Variants in CAMTA1 observed in about 807,000 individuals in gnomAD.
The protein encoded by CAMTA1 is calmodulin binding transcription activator 1, also known as calmodulin-binding transcription activator 1.
Under a neutral mutation model 170.9 loss-of-function variants are expected in CAMTA1, and 27 were observed. The observed-to-expected ratio is 0.16, with a 90% CI of 0.12 to 0.22. CAMTA1 has a LOEUF of 0.22. Ranked by LOEUF, CAMTA1 falls within the 10% of genes least tolerant of loss-of-function variation. CAMTA1 has a pLI of 1.00. For missense variants in CAMTA1, 1,619 were observed against 2,217.2 expected (o/e 0.73, Z 5.42); for synonymous variants, 833 against 891.5 (o/e 0.93, Z 1.17).
At chr1:7,733,237 G>A (rs2096747644) in intron 12 of CAMTA1, among the ~76,000 whole-genome samples, 1 of 152,022 alleles carries the variant, frequency 6.6e-6, no homozygotes, top group South Asian at 2.1e-4. Flanking sequence ...GCCAGATGGT[G>A]ACTTAGACCT....
At chr1:6,937,048 C>T (rs986823492) in intron 3 of CAMTA1, among the ~76,000 whole-genome samples, 2 of 151,942 alleles carry the variant, frequency 1.3e-5, no homozygotes, top group East Asian at 1.9e-4. Context: ...TCATCACCAC[C>T]GTCACCATTA....
At chr1:6,980,100 C>A (rs748467547) in intron 3 of CAMTA1, among the ~76,000 whole-genome samples, 1 of 152,174 alleles carries the variant, frequency 6.6e-6, no homozygotes, top group South Asian at 2.1e-4. Flanking sequence ...CCTTGGAGGG[C>A]GTGCCTCTTA....
In CAMTA1 at chr1:7,715,091, T is replaced by G. The variant is rs17031510; in HGVS notation, c.2915-17357T>G. Among the ~76,000 whole-genome samples the G allele has an allele frequency of 8.8e-3, 1,345 of 152,296 alleles. 14 individuals carry two copies. The highest frequency in any genetic ancestry group is 0.029 in the African/African-American group (1,218 of 41,536). On this transcript the variant is annotated intron_variant, in intron 11 of 22. Coordinates refer to ENST00000303635, the MANE Select transcript of CAMTA1 (RefSeq NM_015215.4). ...GTCCTGATTTTGCCTGATCTGCTAT[T>G]AATCACAAGTATTTTTGTTAGCCAC...
intron 5 of CAMTA1, among the ~76,000 whole-genome samples, chr1:7,442,359 G>A (rs962454700): frequency 6.6e-6 from 1 of 152,258 alleles, no homozygotes; most frequent in Non-Finnish European, 1.5e-5. Flanking sequence ...CTTTCGCTGT[G>A]GGCAGCTGGG....
Position 7,341,236 on chromosome 1 carries a change from G to A in CAMTA1, c.438+91610G>A, listed in dbSNP as rs542771543. Among the ~76,000 whole-genome samples, 4 of 152,344 alleles carry A rather than the reference G, an allele frequency of 2.6e-5. No homozygotes were observed. In the South Asian group the frequency reaches 8.3e-4, roughly 32 times the overall value. ...TCCAGCTTCCCCATGGCTGGAATAG[G>A]AAAGAGCTCCTTCCCAGGCATGTGG... On this transcript the variant is annotated intron_variant, in intron 5 of 22. Coordinates refer to ENST00000303635, the MANE Select transcript of CAMTA1 (RefSeq NM_015215.4).
intron 11 of CAMTA1, among the ~76,000 whole-genome samples, chr1:7,700,344 C>T (rs1200457108): frequency 6.6e-6 from 1 of 152,164 alleles, no homozygotes; most frequent in Admixed American, 6.5e-5. Flanking sequence ...TTTTCTATTT[C>T]TTCAAGCCTT....
rs1393727969 is a variant in CAMTA1 at position 7,041,502 on chromosome 1, C to T, written c.235-49802C>T. Among the ~76,000 whole-genome samples the T allele has an allele frequency of 2.0e-5, 3 of 152,176 alleles. No homozygotes were observed. The highest frequency in any genetic ancestry group is 6.5e-5 in the Admixed American group (1 of 15,282). On this transcript the variant is annotated intron_variant, in intron 3 of 22. Coordinates refer to ENST00000303635, the MANE Select transcript of CAMTA1 (RefSeq NM_015215.4). The surrounding 1 kb of genome is among the most constrained non-coding windows in gnomAD (Gnocchi z 5.1). ...TATCTGATTTTGCATTGAACTGTGT[C>T]GTTATGTGGGGCTGAGAAACTCTTA... is the stretch of plus-strand genomic sequence containing the variant.
intron 5 of CAMTA1, among the ~76,000 whole-genome samples, chr1:7,280,907 A>G (rs541049079): frequency 8.1e-4 from 124 of 152,356 alleles, no homozygotes; most frequent in Middle Eastern, 6.8e-3. Flanking sequence ...TTTTAAAAAT[A>G]AAGCCAAATT....
At chr1:7,301,871 T>C (rs1272109413) in intron 5 of CAMTA1, among the ~76,000 whole-genome samples, 1 of 152,172 alleles carries the variant, frequency 6.6e-6, no homozygotes, top group African/African-American at 2.4e-5. Context: ...CAAGCTGCTC[T>C]GGGCTCTGGA....
chr1:7,100,421 C>T (rs1642577963), intron 4 of CAMTA1, among the ~76,000 whole-genome samples: 1 of 152,150 alleles, frequency 6.6e-6, no homozygotes, highest in Non-Finnish European at 1.5e-5. Flanking sequence ...CGAGTGGGAC[C>T]CACTCCCCTT....
chr1:7,620,862 G>A (rs2095593256), intron 6 of CAMTA1, among the ~76,000 whole-genome samples: 1 of 152,202 alleles, frequency 6.6e-6, no homozygotes, highest in African/African-American at 2.4e-5. Flanking sequence ...AGATTCAAAG[G>A]TTTAGCTCGA....
intron 5 of CAMTA1, among the ~76,000 whole-genome samples, chr1:7,396,425 A>T (rs2089311912): frequency 6.6e-6 from 1 of 152,222 alleles, no homozygotes; most frequent in African/African-American, 2.4e-5. Context: ...CTTTATAGCA[A>T]TACAAATAGA....
chr1:7,753,275 G>T (rs1222911205), intron 21 of CAMTA1, among the ~76,000 whole-genome samples: 1 of 152,214 alleles, frequency 6.6e-6, no homozygotes, highest in East Asian at 1.9e-4. Flanking sequence ...TCTCTACTTA[G>T]ATTTCAGAGG....
At chr1:7,747,818 C>A in intron 19 of CAMTA1, 37 bp downstream of exon 19, 1 of 1,489,828 alleles carries the variant, frequency 6.7e-7, no homozygotes, top group Non-Finnish European at 9.3e-7. Context: ...GGAAACTGTG[C>A]CCCACCCAAG....
At chr1:7,602,264 G>A (rs1274013627) in intron 6 of CAMTA1, among the ~76,000 whole-genome samples, 5 of 150,724 alleles carry the variant, frequency 3.3e-5, no homozygotes, top group Admixed American at 6.6e-5. Flanking sequence ...GGTAGAATTC[G>A]GCTGTGAATC....
chr1:7,442,071 TG>T (rs1208865187), intron 5 of CAMTA1, among the ~76,000 whole-genome samples: 1 of 152,080 alleles, frequency 6.6e-6, no homozygotes, highest in Admixed American at 6.5e-5. Context: ...GAAACCTCCA[TG>T]GGGTTTCCAT....
chr1:7,053,085 G>C (rs1047728962), intron 3 of CAMTA1, among the ~76,000 whole-genome samples: 2 of 152,214 alleles, frequency 1.3e-5, no homozygotes, highest in South Asian at 2.1e-4. Flanking sequence ...GGGAGCTCGT[G>C]GGGGCGGCTG....
At chr1:7,475,902 G>A (rs12084670) in intron 6 of CAMTA1, among the ~76,000 whole-genome samples, 5,139 of 152,316 alleles carry the variant, frequency 0.034, 138 homozygotes, top group South Asian at 0.12. Flanking sequence ...AGGCCACAGC[G>A]GCCAGGCCCA....
chr1:7,196,059 T>C (rs1655465213), intron 4 of CAMTA1, among the ~76,000 whole-genome samples: 1 of 152,156 alleles, frequency 6.6e-6, no homozygotes, highest in Admixed American at 6.5e-5. Context: ...TTTGTGTCCC[T>C]ACCCAAATCT....
Sources: gnomAD v4.1 joint callset for allele counts (sites outside exome capture counted in the v4.1 genomes callset) on GRCh38, gnomAD v4.1.1 for gene constraint, Gnocchi (gnomAD v3.1) non-coding constraint, MANE v1.5 for transcripts, NCBI Gene and HGNC (gene_info 2026-07-23, HGNC 2026-07-21) for gene names.